TENM4: variants seen among roughly 807,000 people sequenced by gnomAD.
TENM4 encodes the protein teneurin transmembrane protein 4, also known as teneurin-4.
A neutral mutation model predicts 243.3 loss-of-function variants in TENM4; 82 were observed. The ratio of observed to expected loss-of-function variants is 0.34; its 90% CI spans 0.28 to 0.40. The LOEUF is 0.40. Among genes scored for constraint, TENM4 ranks in the 10% least tolerant of loss-of-function variants. The pLI, the probability that TENM4 is intolerant of heterozygous loss-of-function variation, is 1.00. For synonymous variants in TENM4, 1,412 were observed against 1,456.3 expected, an observed-to-expected ratio of 0.97 and a Z score of 0.69; for missense variants, 3,138 against 3,673.3, an observed-to-expected ratio of 0.85 and a Z score of 3.77.
At chr11:79,270,417 A>T (rs1855949953) in intron 2 of TENM4, among the ~76,000 whole-genome samples, 1 of 152,216 alleles carries the variant, frequency 6.6e-6, no homozygotes, top group East Asian at 1.9e-4. Context: ...TGCTATATAA[A>T]ATTTTAAAAA....
At chr11:78,727,148 T>C (rs1855530584) in intron 22 of TENM4, among the ~76,000 whole-genome samples, 1 of 152,184 alleles carries the variant, frequency 6.6e-6, no homozygotes, top group Non-Finnish European at 1.5e-5. Flanking sequence ...TATGGTAATT[T>C]GCATTAAAAG....
At chr11:78,698,967 T>C (rs628007) in intron 28 of TENM4, among the ~76,000 whole-genome samples, 59,036 of 152,124 alleles carry the variant, frequency 0.39, 13,009 homozygotes, top group African/African-American at 0.61. Context: ...ATCTCTCATA[T>C]TTGATTCTGC....
At chr11:79,224,152 G>C (rs1864215414) in intron 2 of TENM4, among the ~76,000 whole-genome samples, 1 of 152,164 alleles carries the variant, frequency 6.6e-6, no homozygotes, top group African/African-American at 2.4e-5. Context: ...TGAACTCCTT[G>C]TTGCTATCAA....
chr11:79,181,473 A>G (rs1390938992), intron 3 of TENM4, among the ~76,000 whole-genome samples: 1 of 152,188 alleles, frequency 6.6e-6, no homozygotes, highest in Non-Finnish European at 1.5e-5. Flanking sequence ...CAAAAAATCT[A>G]CTGGTAATAC....
intron 28 of TENM4, among the ~76,000 whole-genome samples, 159 bp downstream of exon 28, chr11:78,701,367 T>C (rs555247592): frequency 6.6e-6 from 1 of 152,342 alleles, no homozygotes; most frequent in South Asian, 2.1e-4. Context: ...ATTTCCTTCC[T>C]AGGAGAAATC....
At chr11:79,284,878 G>A (rs369809922) in intron 2 of TENM4, among the ~76,000 whole-genome samples, 16 of 152,172 alleles carry the variant, frequency 1.1e-4, no homozygotes, top group South Asian at 1.0e-3. Flanking sequence ...TAAAAAATAG[G>A]CAAAGGACTT....
intron 12 of TENM4, among the ~76,000 whole-genome samples, chr11:78,835,629 G>GCTTATACAGCAATTTT (rs1858086198): frequency 1.3e-5 from 2 of 152,116 alleles, no homozygotes; most frequent in Non-Finnish European, 2.9e-5. Flanking sequence ...TTAATTGTTG[G>GCTTATACAGCAATTTT]TGATCTTCAG....
At chr11:79,179,821 T>A (rs1226565021) in intron 3 of TENM4, among the ~76,000 whole-genome samples, 1 of 151,852 alleles carries the variant, frequency 6.6e-6, no homozygotes, top group Non-Finnish European at 1.5e-5. Flanking sequence ...TCTAGCCTGT[T>A]TTAAGAGCAG....
chr11:79,133,213 T>C (rs530190492), intron 4 of TENM4, among the ~76,000 whole-genome samples: 70 of 152,110 alleles, frequency 4.6e-4, no homozygotes, highest in Non-Finnish European at 9.4e-4. Context: ...TCCAAGGCTA[T>C]TGTGAACAGC....
At chr11:79,034,555 T>C (rs1461872022) in intron 6 of TENM4, among the ~76,000 whole-genome samples, 2 of 152,152 alleles carry the variant, frequency 1.3e-5, no homozygotes, top group East Asian at 3.9e-4. Context: ...GAAACCACCA[T>C]GTAGAAAATA....
At chr11:79,107,596 C>T (rs529008872) in intron 4 of TENM4, among the ~76,000 whole-genome samples, 6 of 152,262 alleles carry the variant, frequency 3.9e-5, no homozygotes, top group African/African-American at 9.6e-5. Flanking sequence ...ACCTTGTGTC[C>T]ATGATGAGAA....
At chr11:78,706,693 C>T (rs1859259235) in intron 27 of TENM4, among the ~76,000 whole-genome samples, 1 of 152,146 alleles carries the variant, frequency 6.6e-6, no homozygotes, top group South Asian at 2.1e-4. Context: ...AGCCTTTGAT[C>T]CGGCTGCTTG....
intron 3 of TENM4, among the ~76,000 whole-genome samples, chr11:79,161,779 G>A (rs1862751121): frequency 6.6e-6 from 1 of 152,202 alleles, no homozygotes; most frequent in Admixed American, 6.5e-5. Context: ...TGTGGTCAGT[G>A]GGGACCCATT....
chr11:79,222,346 T>C (rs1385241225), intron 2 of TENM4, among the ~76,000 whole-genome samples: 1 of 152,260 alleles, frequency 6.6e-6, no homozygotes, highest in Non-Finnish European at 1.5e-5. Flanking sequence ...GTTCCTTTTT[T>C]ATGGCTGCAT....
chr11:79,424,863 G>A (rs1859015528), intron 1 of TENM4, among the ~76,000 whole-genome samples: 1 of 151,496 alleles, frequency 6.6e-6, no homozygotes, highest in Admixed American at 6.6e-5. Flanking sequence ...AAACCTGGGA[G>A]GCAGAGCTTG....
intron 1 of TENM4, among the ~76,000 whole-genome samples, chr11:79,384,732 C>A (rs1190045320): frequency 6.6e-6 from 1 of 151,926 alleles, no homozygotes; most frequent in Admixed American, 6.6e-5. Flanking sequence ...TCAAGACCAG[C>A]CTGGCCAACA....
intron 2 of TENM4, among the ~76,000 whole-genome samples, chr11:79,293,513 A>G (rs1405811838): frequency 4.3e-5 from 4 of 92,624 alleles, no homozygotes; most frequent in Admixed American, 3.9e-4. Context: ...TCCCTTAAAA[A>G]AAAAAAAGAA....
At chr11:78,863,652 T>C (rs1302149400) in intron 9 of TENM4, among the ~76,000 whole-genome samples, 1 of 152,194 alleles carries the variant, frequency 6.6e-6, no homozygotes, top group East Asian at 1.9e-4. Flanking sequence ...TTTTCACATA[T>C]GGTTTGGCAA....
intron 6 of TENM4, among the ~76,000 whole-genome samples, chr11:78,976,283 C>T (rs979917404): frequency 8.6e-5 from 13 of 152,022 alleles, no homozygotes; most frequent in Non-Finnish European, 1.0e-4. Context: ...GTCAGGGATT[C>T]GTGTAACCAA....
Sources: gnomAD v4.1 joint callset for allele counts (sites outside exome capture counted in the v4.1 genomes callset) on GRCh38, gnomAD v4.1.1 for gene constraint, MANE v1.5 for transcripts, NCBI Gene and HGNC (gene_info 2026-07-23, HGNC 2026-07-21) for gene names.